The following OSBPL8 variants were observed in gnomAD, a reference collection of about 807,000 sequenced individuals.
OSBPL8 encodes oxysterol binding protein like 8, also known as oxysterol-binding protein-related protein 8.
A neutral mutation model predicts 125.5 loss-of-function variants in OSBPL8; 59 were observed. The observed-to-expected ratio is 0.47, with a 90% confidence interval of 0.38 to 0.58. The LOEUF (loss-of-function observed/expected upper bound fraction) is 0.58, where lower values mean the gene tolerates loss of function less well. Among genes scored for constraint, OSBPL8 ranks in the 20% least tolerant of loss-of-function variants. The probability of loss-of-function intolerance (pLI) is 0.00; values close to 1 mark genes in which losing one functional copy is unlikely to be tolerated. For missense variants in OSBPL8, 758 were observed against 1,047.8 expected, an observed-to-expected ratio of 0.72 and a Z score of 3.82; for synonymous variants, 330 against 338.9, an observed-to-expected ratio of 0.97 and a Z score of 0.29.
intron 4 of OSBPL8, among the ~76,000 whole-genome samples, chr12:76,427,246 A>C (rs1870256548): frequency 6.6e-6 from 1 of 152,116 alleles, no homozygotes; most frequent in African/African-American, 2.4e-5. Flanking sequence ...ATGATAGAAT[A>C]TTTCTGGATC....
chr12:76,459,774 T>C (rs1384412215), intron 3 of OSBPL8, 85 bp downstream of exon 3: 17 of 1,473,592 alleles, frequency 1.2e-5, no homozygotes, highest in Non-Finnish European at 1.6e-5. Flanking sequence ...AATTCAAAAT[T>C]GAAACACCAT....
intron 15 of OSBPL8, among the ~76,000 whole-genome samples, chr12:76,382,350 T>TTG (rs529629572): frequency 6.2e-4 from 94 of 151,932 alleles, no homozygotes; most frequent in Non-Finnish European, 1.1e-3. Context: ...CGATTTTTCT[T>TTG]TGTGTGTGTG....
intron 1 of OSBPL8, among the ~76,000 whole-genome samples, chr12:76,525,118 C>G (rs1385468397): frequency 6.6e-6 from 1 of 152,116 alleles, no homozygotes; most frequent in Admixed American, 6.5e-5. Context: ...TTAAAAGATA[C>G]TTGAGAGGCA....
At chr12:76,433,126 C>T (rs1170712642) in intron 4 of OSBPL8, among the ~76,000 whole-genome samples, 3 of 152,100 alleles carry the variant, frequency 2.0e-5, no homozygotes, top group Non-Finnish European at 4.4e-5. Context: ...ACATAATAAG[C>T]AATAGAGAAA....
intron 1 of OSBPL8, among the ~76,000 whole-genome samples, chr12:76,499,304 C>CTCCATCTA (rs139119731): frequency 7.8e-6 from 1 of 127,986 alleles, no homozygotes; most frequent in Non-Finnish European, 1.7e-5. Context: ...ACTTAATAAA[C>CTCCATCTA]TCTATCTATC....
intron 18 of OSBPL8, among the ~76,000 whole-genome samples, chr12:76,372,817 C>T (rs1380150886): frequency 6.6e-6 from 1 of 152,084 alleles, no homozygotes; most frequent in Non-Finnish European, 1.5e-5. Flanking sequence ...TTCCATGTTC[C>T]ACTGAAAGGA....
At chr12:76,417,923 T>C (rs1406472248) in intron 4 of OSBPL8, among the ~76,000 whole-genome samples, 1 of 152,142 alleles carries the variant, frequency 6.6e-6, no homozygotes, top group Admixed American at 6.5e-5. Context: ...GTGTACTAAT[T>C]GCTGACTTTG....
At chr12:76,462,114 G>A (rs1376684084) in intron 2 of OSBPL8, among the ~76,000 whole-genome samples, 2 of 152,126 alleles carry the variant, frequency 1.3e-5, no homozygotes, top group Non-Finnish European at 1.5e-5. Flanking sequence ...ACATGGCTGC[G>A]AGTATTTAAT....
rs187329034 is a variant in OSBPL8, at chr12:76,375,535, A to T, written c.1730-165T>A. On this transcript the variant is annotated intron_variant, in intron 16 of 23. Coordinates refer to ENST00000261183, the MANE Select transcript of OSBPL8 (RefSeq NM_020841.5). ...ATAGACATACAGTTGGTTCTGTAGG[A>T]TATAAATAGATAACACCTGATTCAC... 8.2e-4 allele frequency among the ~76,000 whole-genome samples: 125 copies of T among 152,270 alleles called. 1 individual carries two copies. Among genetic ancestry groups the T allele is most frequent in the African/African-American group, 2.8e-3 (118 of 41,566 alleles).
intron 2 of OSBPL8, among the ~76,000 whole-genome samples, chr12:76,462,113 C>A (rs1024090539): frequency 6.6e-6 from 1 of 152,062 alleles, no homozygotes; most frequent in African/African-American, 2.4e-5. Context: ...TACATGGCTG[C>A]GAGTATTTAA....
intron 4 of OSBPL8, among the ~76,000 whole-genome samples, chr12:76,433,002 A>G (rs1009489917): frequency 6.6e-6 from 1 of 152,204 alleles, no homozygotes; most frequent in African/African-American, 2.4e-5. Flanking sequence ...GTAAATGTGG[A>G]AAAAGCATCT....
intron 1 of OSBPL8, among the ~76,000 whole-genome samples, chr12:76,553,573 AGAGACAGGAGGATCACTT>A (rs1592912147): frequency 6.6e-6 from 1 of 151,330 alleles, no homozygotes; most frequent in African/African-American, 2.4e-5. Context: ...CTTGGGAGGC[AGAGACAGGAGGATCACTT>A]GAGCCTGGGA....
intron 1 of OSBPL8, among the ~76,000 whole-genome samples, chr12:76,502,590 G>A (rs780654144): frequency 2.2e-4 from 34 of 152,288 alleles, no homozygotes; most frequent in Admixed American, 1.1e-3. Context: ...TTTCAGATAC[G>A]ATGGGATAAT....
At chr12:76,552,718 C>T (rs543688357) in intron 1 of OSBPL8, among the ~76,000 whole-genome samples, 4 of 152,250 alleles carry the variant, frequency 2.6e-5, no homozygotes, top group Admixed American at 2.0e-4. Flanking sequence ...CATTTTCTTC[C>T]CTTTTGGCCA....
intron 1 of OSBPL8, among the ~76,000 whole-genome samples, chr12:76,524,684 CTT>C (rs199735464): frequency 1.6e-4 from 22 of 139,040 alleles, no homozygotes; most frequent in Non-Finnish European, 1.3e-4. Flanking sequence ...GATCTAATTA[CTT>C]TTTTTTTTTT....
chr12:76,386,347 A>C (rs2136273322), intron 13 of OSBPL8, 81 bp from the exon 14 acceptor site: 1 of 1,485,394 alleles, frequency 6.7e-7, no homozygotes, highest in African/African-American at 1.4e-5. Flanking sequence ...AATGGGTTTA[A>C]CTCTACCATC....
chr12:76,501,651 G>A (rs1239738769), intron 1 of OSBPL8, among the ~76,000 whole-genome samples: 1 of 152,212 alleles, frequency 6.6e-6, no homozygotes, highest in Non-Finnish European at 1.5e-5. Context: ...TGACAGGGAT[G>A]GAGGTTATGC....
intron 4 of OSBPL8, among the ~76,000 whole-genome samples, chr12:76,436,421 C>A (rs1392354412): frequency 6.6e-6 from 1 of 151,958 alleles, no homozygotes; most frequent in Admixed American, 6.6e-5. Flanking sequence ...ATAACATAAA[C>A]CAGTGGTCCC....
intron 1 of OSBPL8, among the ~76,000 whole-genome samples, chr12:76,520,252 CAA>C (rs533064616): frequency 3.3e-5 from 5 of 152,188 alleles, no homozygotes; most frequent in Admixed American, 2.0e-4. Flanking sequence ...AAGAAAGAAA[CAA>C]GAGAATATGG....
Sources: gnomAD v4.1 joint callset for allele counts (sites outside exome capture counted in the v4.1 genomes callset) on GRCh38, gnomAD v4.1.1 for gene constraint, MANE v1.5 for transcripts, NCBI Gene and HGNC (gene_info 2026-07-23, HGNC 2026-07-21) for gene names.